The following DPH6 variants were observed in gnomAD, a reference collection of about 807,000 sequenced individuals.
The protein encoded by DPH6 is diphthamine biosynthesis 6.
In DPH6, 33 loss-of-function variants were observed where a neutral mutation model predicts 38.2. That is an observed-to-expected ratio of 0.86 (90% confidence interval 0.65 to 1.15). The LOEUF (loss-of-function observed/expected upper bound fraction) is 1.15. Among genes scored for constraint, DPH6 ranks in the 50% most tolerant of loss-of-function variants. DPH6 has a pLI of 0.00. For missense variants in DPH6, 325 were observed against 320.0 expected (o/e 1.02, Z -0.12); for synonymous variants, 108 against 103.0 (o/e 1.05, Z -0.30).
chr15:35,367,774 T>C (rs1595503949), downstream of DPH6, among the ~76,000 whole-genome samples: 1 of 151,786 alleles, frequency 6.6e-6, no homozygotes, highest in East Asian at 1.9e-4. Context: ...AAAGTCTAAA[T>C]GATAAATCAA....
intron 6 of DPH6, among the ~76,000 whole-genome samples, chr15:35,403,565 T>C (rs1345777382): frequency 6.6e-6 from 1 of 152,058 alleles, no homozygotes; most frequent in Admixed American, 6.6e-5. Context: ...GGGTGGAGTA[T>C]GGTGACACAA....
intron 3 of DPH6, chr15:35,522,391 C>T: frequency 1.9e-6 from 2 of 1,047,904 alleles, no homozygotes; most frequent in Non-Finnish European, 2.8e-6. Context: ...TCTGCTTATT[C>T]AGTATTAATA....
chr15:35,450,626 A>T (rs1417865788), intron 5 of DPH6, 59 bp downstream of exon 5: 3 of 1,318,750 alleles, frequency 2.3e-6, no homozygotes, highest in Non-Finnish European at 3.3e-6. Context: ...ACTACTTATT[A>T]GTGAACTGAG....
chr15:35,209,862 T>C, the DPH6 span, among the ~76,000 whole-genome samples: 1 of 152,214 alleles, frequency 6.6e-6, no homozygotes, highest in African/African-American at 2.4e-5. Context: ...TGATATTGTC[T>C]GAATAAAACC....
intron 6 of DPH6, among the ~76,000 whole-genome samples, chr15:35,391,576 C>T (rs1328935601): frequency 6.6e-6 from 1 of 152,172 alleles, no homozygotes; most frequent in Non-Finnish European, 1.5e-5. Flanking sequence ...TGCCACCTTG[C>T]AGTTTGATCT....
intron 3 of DPH6, among the ~76,000 whole-genome samples, chr15:35,277,562 G>A (rs2051867478): frequency 6.6e-6 from 1 of 152,176 alleles, no homozygotes; most frequent in Non-Finnish European, 1.5e-5. Context: ...GTAACAGGCA[G>A]AAGTTGGAAG....
the DPH6 span, among the ~76,000 whole-genome samples, chr15:35,198,977 T>G: frequency 6.6e-6 from 1 of 151,976 alleles, no homozygotes; most frequent in Admixed American, 6.6e-5. Context: ...TGGAGTGCAA[T>G]GGCGCAATCT....
At chr15:35,342,822 G>C (rs1219194414) in intron 3 of DPH6, among the ~76,000 whole-genome samples, 1 of 152,162 alleles carries the variant, frequency 6.6e-6, no homozygotes, top group Non-Finnish European at 1.5e-5. Flanking sequence ...ATAATTTTAA[G>C]AGGAGGTTCA....
In DPH6 at chr15:35,473,955, TGTGCGCGC is replaced by T. The variant is rs778209345; in HGVS notation, c.313-19143_313-19136del. On this transcript the variant is annotated intron_variant, in intron 3 of 8. Coordinates refer to ENST00000256538, the MANE Select transcript of DPH6 (RefSeq NM_080650.4). ...GTGTGTGTGTGTGTGTGTGTGTGTGTGTGCGCGCGCGCGCGTGAGCTTTTGTAGACATA... is the reference window on the plus strand; with the variant it reads ...GTGTGTGTGTGTGTGTGTGTGTGTGTGCGCGCGTGAGCTTTTGTAGACATA... 9.1e-3 allele frequency among the ~76,000 whole-genome samples: 244 copies of T among 26,740 alleles called. 1 individual carries two copies. The highest frequency in any genetic ancestry group is 0.012 in the African/African-American group (227 of 19,084). 17.5% of individuals were successfully genotyped at this position (26,740 alleles called of 152,430 possible).
chr15:35,241,117 T>C lies in DPH6; in HGVS notation n.201-20535A>G, dbSNP rs369750898. ...GATTCCTCCTAAGCCGTGTCCCATC[T>C]GTGCGGGACCCCACTGGAAATCGCA... is the stretch of plus-strand genomic sequence containing the variant. On this transcript the variant is annotated intron_variant and non_coding_transcript_variant, in intron 3 of 3. Transcript: ENST00000560386. 4.5e-4 allele frequency among the ~76,000 whole-genome samples: 64 copies of C among 143,178 alleles called. 13 individuals carry two copies. Among genetic ancestry groups the C allele is most frequent in the African/African-American group, 1.0e-3 (40 of 39,546 alleles). 93.9% of individuals were successfully genotyped at this position (143,178 alleles called of 152,430 possible).
chr15:35,436,068 G>C (rs1484522462), intron 5 of DPH6, among the ~76,000 whole-genome samples: 1 of 151,884 alleles, frequency 6.6e-6, no homozygotes, highest in Non-Finnish European at 1.5e-5. Context: ...CAGTCTCAGG[G>C]GCCAGAGGCC....
At chr15:35,159,683 G>A in the DPH6 span, among the ~76,000 whole-genome samples, 4 of 151,962 alleles carry the variant, frequency 2.6e-5, no homozygotes, top group Admixed American at 1.3e-4. Context: ...ACTACCATTC[G>A]ACTCAGCAAT....
At chr15:35,365,968 T>C, downstream of DPH6, 3 of 985,298 alleles carry the variant, frequency 3.0e-6, no homozygotes, top group Non-Finnish European at 3.6e-6. Context: ...TTTCTGCTCC[T>C]TAGCCTAAGG....
At chr15:35,341,983 C>T (rs1241960497) in intron 3 of DPH6, among the ~76,000 whole-genome samples, 2 of 152,206 alleles carry the variant, frequency 1.3e-5, no homozygotes, top group African/African-American at 4.8e-5. Context: ...CTGGACCAAA[C>T]TGCAGAGATG....
chr15:35,471,170 A>G (rs948994219), intron 3 of DPH6, among the ~76,000 whole-genome samples: 1 of 152,150 alleles, frequency 6.6e-6, no homozygotes, highest in African/African-American at 2.4e-5. Flanking sequence ...TACAAATACT[A>G]TTTATTTCTC....
chr15:35,217,698 A>C (rs1219489831), exon 4 of DPH6: 1 of 152,240 alleles, frequency 6.6e-6, no homozygotes, highest in Admixed American at 6.5e-5. Flanking sequence ...TCTAACCGTT[A>C]ACTTTGAGAC....
chr15:35,344,855 C>T (rs775913452), intron 3 of DPH6, among the ~76,000 whole-genome samples: 78 of 151,794 alleles, frequency 5.1e-4, no homozygotes, highest in Non-Finnish European at 1.0e-3. Flanking sequence ...TACCTTTGGA[C>T]CTAATCCTGG....
intron 3 of DPH6, among the ~76,000 whole-genome samples, chr15:35,273,143 A>G (rs77064542): frequency 6.9e-6 from 1 of 145,274 alleles, no homozygotes; most frequent in East Asian, 2.0e-4. Flanking sequence ...CTTTAAAATT[A>G]AAAAAAAAAA....
chr15:35,537,526 C>T lies in DPH6; in HGVS notation c.312+748G>A, dbSNP rs183384490. On this transcript the variant is annotated intron_variant, in intron 3 of 8. Transcript: ENST00000256538. ...AATATAAAATCATCCTTATTAATTA[C>T]CATTTACTGAGTATAGTAACTATTA... 1.3e-3 allele frequency among the ~76,000 whole-genome samples: 195 copies of T among 152,194 alleles called. 2 individuals carry two copies. Among genetic ancestry groups the T allele is most frequent in the African/African-American group, 4.5e-3 (188 of 41,534 alleles).
Sources: allele counts gnomAD v4.1 joint callset (sites outside exome capture counted in the v4.1 genomes callset), GRCh38; gene constraint gnomAD v4.1.1; transcripts MANE v1.5; gene names NCBI Gene and HGNC (gene_info 2026-07-23, HGNC 2026-07-21).